NRG1: variants seen among roughly 807,000 people sequenced by gnomAD.
NRG1 encodes the protein pro-neuregulin-1, membrane-bound isoform.
A neutral mutation model predicts 63.8 loss-of-function variants in NRG1; 18 were observed. That is an observed-to-expected ratio of 0.28 (90% CI 0.19 to 0.42). The LOEUF is 0.42. NRG1 is among the 10% of genes least tolerant of loss of function. NRG1 has a pLI of 1.00. For synonymous variants in NRG1, 302 were observed against 301.3 expected (o/e 1.00, Z -0.02); for missense variants, 762 against 814.7 (o/e 0.94, Z 0.79).
chr8:32,459,085 G>A (rs540629965), intron 1 of NRG1, among the ~76,000 whole-genome samples: 11 of 152,270 alleles, frequency 7.2e-5, no homozygotes, highest in African/African-American at 2.2e-4. Flanking sequence ...CTCCAGACTC[G>A]TAGGTCCAAC....
intron 1 of NRG1, among the ~76,000 whole-genome samples, chr8:32,313,444 G>C (rs1186428655): frequency 6.6e-6 from 1 of 152,084 alleles, no homozygotes. Flanking sequence ...CGAGTCCTCT[G>C]AAAATGCCGA....
At chr8:31,747,981 C>T (rs1170659126) in intron 1 of NRG1, among the ~76,000 whole-genome samples, 2 of 151,918 alleles carry the variant, frequency 1.3e-5, no homozygotes, top group African/African-American at 4.8e-5. Flanking sequence ...AATTTATTGT[C>T]TTGACTTCAA....
At chr8:32,694,425 C>T (rs1258162895) in intron 5 of NRG1, among the ~76,000 whole-genome samples, 1 of 152,028 alleles carries the variant, frequency 6.6e-6, no homozygotes, top group East Asian at 1.9e-4. Context: ...AATATTTAGT[C>T]TCGTGAGGTG....
intron 3 of NRG1, among the ~76,000 whole-genome samples, chr8:32,608,083 G>GTTTTTTTT (rs372730003): frequency 1.0e-5 from 1 of 99,330 alleles, no homozygotes; most frequent in Admixed American, 9.7e-5. Flanking sequence ...ATGAACCCAG[G>GTTTTTTTT]TTTTTTTTGT....
chr8:32,088,289 A>T (rs1828585799), intron 1 of NRG1, among the ~76,000 whole-genome samples: 1 of 152,216 alleles, frequency 6.6e-6, no homozygotes, highest in Non-Finnish European at 1.5e-5. Flanking sequence ...AATTTAACGA[A>T]AATTCAACAA....
chr8:32,263,274 C>G (rs1257406979), intron 1 of NRG1, among the ~76,000 whole-genome samples: 1 of 152,162 alleles, frequency 6.6e-6, no homozygotes, highest in Admixed American at 6.6e-5. Context: ...GATCAGGAAA[C>G]TAACCAAGGT....
chr8:32,629,978 G>A (rs1849988716), intron 5 of NRG1, among the ~76,000 whole-genome samples: 1 of 152,092 alleles, frequency 6.6e-6, no homozygotes, highest in Non-Finnish European at 1.5e-5. Context: ...TTTCTTCTGA[G>A]AATGGATATT....
intron 1 of NRG1, among the ~76,000 whole-genome samples, chr8:32,561,517 G>T (rs902897297): frequency 1.3e-4 from 19 of 144,880 alleles, no homozygotes. Flanking sequence ...CTGCCTCAGC[G>T]CTCTTAAACT....
intron 1 of NRG1, among the ~76,000 whole-genome samples, chr8:32,461,357 C>G (rs1382870202): frequency 6.6e-6 from 1 of 152,126 alleles, no homozygotes; most frequent in Non-Finnish European, 1.5e-5. Context: ...ACTACTATAG[C>G]TGTTGTCTAT....
At chr8:32,113,285 C>T (rs1429129242) in intron 1 of NRG1, among the ~76,000 whole-genome samples, 1 of 152,052 alleles carries the variant, frequency 6.6e-6, no homozygotes, top group Non-Finnish European at 1.5e-5. Flanking sequence ...AAGTTATTTC[C>T]CTCTTTTCTC....
chr8:32,664,823 C>G (rs1249629135), intron 5 of NRG1, among the ~76,000 whole-genome samples: 1 of 152,138 alleles, frequency 6.6e-6, no homozygotes, highest in Non-Finnish European at 1.5e-5. Context: ...TAATGAATCT[C>G]TGAGTGACAA....
At chr8:31,877,766 A>G (rs1165734646) in intron 1 of NRG1, among the ~76,000 whole-genome samples, 2 of 152,096 alleles carry the variant, frequency 1.3e-5, no homozygotes, top group African/African-American at 4.8e-5. Flanking sequence ...TTATTTTATC[A>G]TCTCAATGAC....
At chr8:32,023,840 A>AG (rs1816825375) in intron 1 of NRG1, among the ~76,000 whole-genome samples, 1 of 6,162 alleles carries the variant, frequency 1.6e-4, no homozygotes, top group Non-Finnish European at 4.9e-3. Flanking sequence ...GATTTGCAGT[A>AG]ACTCTCCCTA....
chr8:32,088,868 C>CA (rs536477598), intron 1 of NRG1, among the ~76,000 whole-genome samples: 1,615 of 149,262 alleles, frequency 0.011, 14 homozygotes, highest in Admixed American at 0.02. Context: ...AACAGTAATC[C>CA]AAAAAAAAAT....
At chr8:31,903,340 G>T (rs369924966) in intron 1 of NRG1, among the ~76,000 whole-genome samples, 1 of 151,470 alleles carries the variant, frequency 6.6e-6, no homozygotes, top group Admixed American at 6.6e-5. Flanking sequence ...TAGTAGAGAC[G>T]GGATTTCATT....
chr8:31,721,156 C>T (rs939081976), intron 1 of NRG1, among the ~76,000 whole-genome samples: 1 of 152,102 alleles, frequency 6.6e-6, no homozygotes, highest in African/African-American at 2.4e-5. Flanking sequence ...GTTTAGGAAA[C>T]TTTGCCAATT....
chr8:32,718,950 G>C (rs1004113084), intron 5 of NRG1, among the ~76,000 whole-genome samples: 3 of 151,984 alleles, frequency 2.0e-5, no homozygotes, highest in Non-Finnish European at 2.9e-5. Flanking sequence ...TCTCCAGATC[G>C]TGATTATTTT....
At chr8:32,350,328 T>G (rs1326741064) in intron 1 of NRG1, among the ~76,000 whole-genome samples, 2 of 152,214 alleles carry the variant, frequency 1.3e-5, no homozygotes, top group African/African-American at 4.8e-5. Context: ...AGTTTTGTTC[T>G]CCGGTATCAG....
intron 1 of NRG1, among the ~76,000 whole-genome samples, chr8:32,165,188 A>T: frequency 6.6e-6 from 1 of 151,430 alleles, no homozygotes; most frequent in African/African-American, 2.4e-5. Flanking sequence ...GCACAGGCTG[A>T]AGTGCAGTGC....
Sources: gnomAD v4.1 joint callset for allele counts (sites outside exome capture counted in the v4.1 genomes callset) on GRCh38, gnomAD v4.1.1 for gene constraint, MANE v1.5 for transcripts, NCBI Gene and HGNC (gene_info 2026-07-23, HGNC 2026-07-21) for gene names.